Variants in SUSD6 observed in about 807,000 individuals in gnomAD.
SUSD6 encodes the protein sushi domain-containing protein 6.
A neutral mutation model predicts 28.4 loss-of-function variants in SUSD6; 16 were observed. The ratio of observed to expected loss-of-function variants is 0.56; its 90% CI spans 0.38 to 0.86. The LOEUF (loss-of-function observed/expected upper bound fraction) is 0.86. SUSD6 is among the 40% of genes least tolerant of loss of function. The pLI is 0.00. For synonymous variants in SUSD6, 147 were observed against 159.6 expected (o/e 0.92, Z 0.59); for missense variants, 341 against 384.2 (o/e 0.89, Z 0.94).
chr14:69,682,308 G>A (rs1474929054), intron 2 of SUSD6, among the ~76,000 whole-genome samples: 4 of 152,176 alleles, frequency 2.6e-5, no homozygotes, highest in African/African-American at 9.7e-5. Context: ...CTGCAGTCAA[G>A]CCTGGGTGAC....
chr14:69,685,128 G>C (rs1465227464), intron 2 of SUSD6, among the ~76,000 whole-genome samples: 1 of 152,208 alleles, frequency 6.6e-6, no homozygotes. Context: ...AGGGTTGAGG[G>C]AGAAAGCAGC....
chr14:69,631,341 ATTTAAAATGAATTATGTT>A (rs2139597177), intron 1 of SUSD6, among the ~76,000 whole-genome samples: 1 of 152,334 alleles, frequency 6.6e-6, no homozygotes, highest in Non-Finnish European at 1.5e-5. Context: ...TAATTTTAAC[ATTTAAAATGAATTATGTT>A]ATATAAAATG....
At chr14:69,698,443 TTTCC>T (rs1162161526) in intron 2 of SUSD6, among the ~76,000 whole-genome samples, 6 of 152,394 alleles carry the variant, frequency 3.9e-5, no homozygotes, top group African/African-American at 1.4e-4. Context: ...TATTCCCTGC[TTTCC>T]ACACCTTGTT....
At chr14:69,655,445 A>G (rs1885567652) in intron 1 of SUSD6, among the ~76,000 whole-genome samples, 1 of 152,176 alleles carries the variant, frequency 6.6e-6, no homozygotes, top group Non-Finnish European at 1.5e-5. Context: ...GTCAGAGTAT[A>G]TGTGCATTTT....
At chr14:69,708,554 T>C in intron 4 of SUSD6, 123 bp from the exon 5 acceptor site, 1 of 746,704 alleles carries the variant, frequency 1.3e-6, no homozygotes, top group South Asian at 2.1e-5. Flanking sequence ...TTAAAATTCC[T>C]AGTGCTTTGC....
intron 2 of SUSD6, 92 bp downstream of exon 2, chr14:69,658,805 C>A: frequency 6.5e-7 from 1 of 1,537,364 alleles, no homozygotes; most frequent in South Asian, 1.1e-5. Flanking sequence ...CTCCTCCTGG[C>A]AGGCGGTTTC....
At chr14:69,640,146 A>G (rs907903861) in intron 1 of SUSD6, among the ~76,000 whole-genome samples, 3 of 151,638 alleles carry the variant, frequency 2.0e-5, no homozygotes, top group African/African-American at 7.3e-5. Context: ...CTCCTCCAGG[A>G]TGTGTAGAGA....
intron 2 of SUSD6, among the ~76,000 whole-genome samples, chr14:69,674,080 A>G (rs1885872458): frequency 6.6e-6 from 1 of 152,140 alleles, no homozygotes; most frequent in African/African-American, 2.4e-5. Context: ...TGGGAATTGG[A>G]GAGAATAACT....
chr14:69,671,481 G>C (rs537756034), intron 2 of SUSD6, among the ~76,000 whole-genome samples: 22 of 152,294 alleles, frequency 1.4e-4, no homozygotes, highest in African/African-American at 5.1e-4. Context: ...ACTCGTAGGA[G>C]GCATGTCTGA....
intron 2 of SUSD6, among the ~76,000 whole-genome samples, chr14:69,674,428 C>G (rs774702522): frequency 2.0e-5 from 3 of 152,168 alleles, no homozygotes; most frequent in Non-Finnish European, 2.9e-5. Flanking sequence ...TCCCTGCTTC[C>G]TTTGTACTCA....
At chr14:69,653,513 G>A (rs543373179) in intron 1 of SUSD6, among the ~76,000 whole-genome samples, 3 of 152,152 alleles carry the variant, frequency 2.0e-5, no homozygotes, top group Non-Finnish European at 4.4e-5. Context: ...AGTCATTGAG[G>A]CCCTCTCCTC....
chr14:69,709,237 A>T, intron 5 of SUSD6, 133 bp downstream of exon 5: 1 of 837,174 alleles, frequency 1.2e-6, no homozygotes, highest in South Asian at 2.0e-5. Context: ...GTATTTGCCT[A>T]CAAAATAGAA....
rs562891511 is a variant in SUSD6, at chr14:69,646,738, G to A, written c.-80-11775G>A. 2.1e-4 allele frequency among the ~76,000 whole-genome samples: 23 copies of A among 111,546 alleles called. No individual in the cohort carries two copies. In the East Asian group the frequency reaches 5.7e-3, roughly 28 times the overall value. The allele number at this position is 111,546 out of a possible 152,430, so 73.2% of individuals were successfully genotyped here. On this transcript the variant is annotated intron_variant, in intron 1 of 5. Coordinates refer to ENST00000342745, the MANE Select transcript of SUSD6 (RefSeq NM_014734.4). ...TTTTTTTGAGACAGGGTATCACTCTGTCGCCCAGGCTGGAGTGCAGCGGTG... is the reference window on the plus strand; with the variant it reads ...TTTTTTTGAGACAGGGTATCACTCTATCGCCCAGGCTGGAGTGCAGCGGTG...
chr14:69,668,669 T>C (rs1885781865), intron 2 of SUSD6, among the ~76,000 whole-genome samples: 1 of 150,654 alleles, frequency 6.6e-6, no homozygotes, highest in African/African-American at 2.4e-5. Flanking sequence ...AGAAAGAAAG[T>C]ATACCCCTAC....
intron 2 of SUSD6, among the ~76,000 whole-genome samples, chr14:69,677,293 C>T (rs374218858): frequency 8.6e-4 from 131 of 152,318 alleles, no homozygotes; most frequent in African/African-American, 3.0e-3. Flanking sequence ...CGCCTGTAAT[C>T]CCAGCACTTT....
At position 69,688,854 on chromosome 14, in the gene SUSD6, A is replaced by G. The variant is rs556911292; in HGVS notation, c.122-14541A>G. Among the ~76,000 whole-genome samples the G allele has an allele frequency of 9.5e-4, 145 of 152,352 alleles. 1 individual carries two copies. The highest frequency in any genetic ancestry group is 1.9e-3 in the Non-Finnish European group (127 of 68,030). On this transcript the variant is annotated intron_variant, in intron 2 of 5. Transcript: ENST00000342745. ...TAACATGGCTTTGCATTATAGGCCT[A>G]GAAGTGTCCTTAAAATCTCATCTCA...
intron 5 of SUSD6, 23 bp from the exon 6 acceptor site, chr14:69,710,931 C>G (rs1490893373): frequency 6.2e-7 from 1 of 1,613,728 alleles, no homozygotes; most frequent in East Asian, 2.2e-5. Flanking sequence ...AACCACTGTG[C>G]TTTTCTTCTG....
intron 1 of SUSD6, among the ~76,000 whole-genome samples, chr14:69,643,094 G>GT (rs892238662): frequency 2.6e-5 from 4 of 152,122 alleles, no homozygotes; most frequent in African/African-American, 9.7e-5. Context: ...GGCTCACTGC[G>GT]TTTTTTCCCC....
intron 2 of SUSD6, among the ~76,000 whole-genome samples, chr14:69,676,482 C>T (rs1003084717): frequency 6.6e-6 from 1 of 151,888 alleles, no homozygotes; most frequent in Non-Finnish European, 1.5e-5. Context: ...TGGGCTAAAG[C>T]AGTCTTCCCA....
Sources: allele counts gnomAD v4.1 joint callset (sites outside exome capture counted in the v4.1 genomes callset), GRCh38; gene constraint gnomAD v4.1.1; transcripts MANE v1.5; gene names NCBI Gene and HGNC (gene_info 2026-07-23, HGNC 2026-07-21).